RORA: variants seen among roughly 807,000 people sequenced by gnomAD.
RORA encodes the protein nuclear receptor ROR-alpha.
Under a neutral mutation model 69.5 loss-of-function variants are expected in RORA, and 7 were observed. The observed-to-expected ratio is 0.10, with a 90% CI of 0.06 to 0.19. The LOEUF is 0.19. Among genes scored for constraint, RORA ranks in the 10% least tolerant of loss-of-function variants. RORA has a pLI of 1.00. For synonymous variants in RORA, 261 were observed against 240.8 expected, an observed-to-expected ratio of 1.08 and a Z score of -0.78; for missense variants, 457 against 663.0, an observed-to-expected ratio of 0.69 and a Z score of 3.41.
chr15:60,791,110 C>T (rs943267196), intron 1 of RORA, among the ~76,000 whole-genome samples: 1 of 152,030 alleles, frequency 6.6e-6, no homozygotes, highest in Non-Finnish European at 1.5e-5. Context: ...ATCAAACGTA[C>T]ATAAAACTGA....
intron 2 of RORA, among the ~76,000 whole-genome samples, chr15:60,546,885 C>G (rs1252312003): frequency 6.6e-6 from 1 of 152,202 alleles, no homozygotes; most frequent in Non-Finnish European, 1.5e-5. Flanking sequence ...AGTCACCATT[C>G]TGTGTTCTTT....
chr15:60,544,471 T>G (rs993791284), intron 2 of RORA, among the ~76,000 whole-genome samples: 5 of 151,766 alleles, frequency 3.3e-5, no homozygotes, highest in African/African-American at 9.8e-5. Flanking sequence ...GTGCTCTCCC[T>G]GCTTTTTTTT....
Position 60,550,193 on chromosome 15 carries a change from A to T in RORA, c.197-18342T>A, listed in dbSNP as rs144572372. On this transcript the variant is annotated intron_variant, in intron 2 of 10. Transcript: ENST00000335670. ...ATAATCCCAGCTACTCGGGAGGCTG[A>T]GGCAGAGAATTTCTTGAACCTGGGG... 4.3e-3 allele frequency among the ~76,000 whole-genome samples: 660 copies of T among 152,350 alleles called. 3 individuals are homozygous for T. Among genetic ancestry groups the T allele is most frequent in the Middle Eastern group, 0.014 (4 of 294 alleles).
At chr15:60,543,282 G>A (rs2066960098) in intron 2 of RORA, among the ~76,000 whole-genome samples, 1 of 146,024 alleles carries the variant, frequency 6.8e-6, no homozygotes, top group Non-Finnish European at 1.5e-5. Context: ...AAAATCTAGA[G>A]TCTGGGGTTG....
rs148648302 is a variant in RORA, at chr15:60,524,936, G to T, written c.282+6830C>A. On this transcript the variant is annotated intron_variant, in intron 3 of 10. Transcript: ENST00000335670. Reference sequence around the variant, plus strand: ...CCGTGTGCCCAAAGTCACAGAGCAGGTAAGGGGAGGGCCCAGGATTTGAAT... The same window carrying T: ...CCGTGTGCCCAAAGTCACAGAGCAGTTAAGGGGAGGGCCCAGGATTTGAAT... Among the ~76,000 whole-genome samples the T allele has an allele frequency of 4.9e-3, 747 of 152,232 alleles. 2 individuals carry two copies. Among genetic ancestry groups the T allele is most frequent in the African/African-American group, 0.017 (716 of 41,526 alleles).
chr15:60,945,284 G>A (rs1015909364), intron 1 of RORA, among the ~76,000 whole-genome samples: 21 of 152,164 alleles, frequency 1.4e-4, no homozygotes, highest in Non-Finnish European at 2.6e-4. Context: ...CACGGTTCCT[G>A]TTGGCACGAG....
intron 1 of RORA, among the ~76,000 whole-genome samples, chr15:61,212,773 C>T (rs1016266836): frequency 1.3e-5 from 2 of 152,138 alleles, no homozygotes; most frequent in Admixed American, 1.3e-4. Context: ...TCTTTGTCAT[C>T]GTACCAATCC....
chr15:60,916,238 C>T (rs1006127547), intron 1 of RORA, among the ~76,000 whole-genome samples: 9 of 152,178 alleles, frequency 5.9e-5, no homozygotes, highest in Non-Finnish European at 8.8e-5. Context: ...CCCTCCAATG[C>T]GTCTGTGTTG....
chr15:60,639,813 C>T (rs1443462858), intron 2 of RORA, among the ~76,000 whole-genome samples: 1 of 152,076 alleles, frequency 6.6e-6, no homozygotes, highest in Non-Finnish European at 1.5e-5. Flanking sequence ...GAGAGAAAGG[C>T]GTCCTTGTTT....
At chr15:61,087,640 A>T (rs1296852100) in intron 1 of RORA, among the ~76,000 whole-genome samples, 1 of 152,252 alleles carries the variant, frequency 6.6e-6, no homozygotes, top group Admixed American at 6.5e-5. Context: ...AGAAGCCATA[A>T]GTCTGCAGTT....
chr15:61,076,828 G>C (rs1398198630), intron 1 of RORA, among the ~76,000 whole-genome samples: 1 of 152,262 alleles, frequency 6.6e-6, no homozygotes, highest in Middle Eastern at 3.4e-3. Flanking sequence ...GGGTTTAAAT[G>C]TGGGTGACTC....
intron 1 of RORA, among the ~76,000 whole-genome samples, chr15:61,197,951 T>C (rs942425094): frequency 6.6e-6 from 1 of 152,120 alleles, no homozygotes; most frequent in Admixed American, 6.5e-5. Context: ...GCTTGTTTTG[T>C]GTGGTATCAG....
At chr15:61,150,915 A>G (rs1442402588) in intron 1 of RORA, among the ~76,000 whole-genome samples, 2 of 152,206 alleles carry the variant, frequency 1.3e-5, no homozygotes, top group Non-Finnish European at 2.9e-5. Context: ...AAATTAATTT[A>G]AATAGAACTA....
chr15:60,750,112 A>T (rs938576554), intron 1 of RORA, among the ~76,000 whole-genome samples: 5 of 152,226 alleles, frequency 3.3e-5, no homozygotes, highest in African/African-American at 1.2e-4. Flanking sequence ...TCTTCACTAC[A>T]TCCCTACAGA....
chr15:60,693,895 T>C (rs2070865839), intron 1 of RORA, among the ~76,000 whole-genome samples: 1 of 152,152 alleles, frequency 6.6e-6, no homozygotes, highest in Non-Finnish European at 1.5e-5. Flanking sequence ...TTGAATGCTA[T>C]TCCCATTAAA....
intron 6 of RORA, among the ~76,000 whole-genome samples, 157 bp downstream of exon 6, chr15:60,505,351 G>A (rs1032213212): frequency 6.6e-6 from 1 of 152,188 alleles, no homozygotes; most frequent in Non-Finnish European, 1.5e-5. Context: ...AAATGGCAAA[G>A]CCTCAAGTAC....
At chr15:60,516,007 ATAT>A (rs2065885272) in intron 3 of RORA, among the ~76,000 whole-genome samples, 1 of 14,802 alleles carries the variant, frequency 6.8e-5, no homozygotes, top group African/African-American at 1.9e-4. Flanking sequence ...ATATTTATAT[ATAT>A]TTATATATAT....
chr15:60,592,024 G>A (rs1401551769), intron 2 of RORA, among the ~76,000 whole-genome samples: 1 of 152,016 alleles, frequency 6.6e-6, no homozygotes, highest in Non-Finnish European at 1.5e-5. Context: ...GGCGTCCCCG[G>A]CTTCCTCTGA....
chr15:60,892,041 G>T (rs542994436), intron 1 of RORA, among the ~76,000 whole-genome samples: 5 of 152,194 alleles, frequency 3.3e-5, no homozygotes, highest in African/African-American at 1.2e-4. Context: ...TGGGGCAGGC[G>T]CTGTGTTGAG....
Sources: allele counts gnomAD v4.1 joint callset (sites outside exome capture counted in the v4.1 genomes callset), GRCh38; gene constraint gnomAD v4.1.1; transcripts MANE v1.5; gene names NCBI Gene and HGNC (gene_info 2026-07-23, HGNC 2026-07-21).